The following CHL1 variants were observed in gnomAD, a reference collection of about 807,000 sequenced individuals.
The protein encoded by CHL1 is neural cell adhesion molecule L1-like protein.
In CHL1, 96 loss-of-function variants were observed where a neutral mutation model predicts 141.9. The observed-to-expected ratio is 0.68, with a 90% CI of 0.57 to 0.80. CHL1 has a LOEUF of 0.80. Among genes scored for constraint, CHL1 ranks in the 30% least tolerant of loss-of-function variants. CHL1 has a pLI of 0.00. For missense variants in CHL1, 1,820 were observed against 1,457.2 expected (o/e 1.25, Z -4.05); for synonymous variants, 613 against 502.2 (o/e 1.22, Z -2.95).
chr3:313,586 T>A (rs1039872121), intron 2 of CHL1, among the ~76,000 whole-genome samples: 2 of 152,148 alleles, frequency 1.3e-5, no homozygotes, highest in Middle Eastern at 3.2e-3. Flanking sequence ...TATTAGGAAA[T>A]GATTATTATT....
At chr3:391,887 C>G (rs1708257719) in intron 23 of CHL1, 90 bp downstream of exon 23, 1 of 1,048,104 alleles carries the variant, frequency 9.5e-7, no homozygotes, top group African/African-American at 1.6e-5. Context: ...CTAATGATCA[C>G]TTAAGGCCAT....
In CHL1 at chr3:319,689, G is replaced by C; in HGVS notation, c.-88G>C. On this transcript the variant is annotated 5_prime_UTR_variant, in exon 3 of 28. Transcript: ENST00000256509. ...ATTCTGTTTGTGTTTTTAGTTTCCA[G>C]GTTAACTAAGGTCTCAGCTGTAAAC... The C allele has an allele frequency of 2.7e-6, 2 of 743,080 alleles. No homozygotes were observed. The highest frequency in any genetic ancestry group is 2.5e-5 in the Admixed American group (1 of 39,724). The allele number at this position is 743,080 out of a possible 1,614,324, so 46.0% of individuals were successfully genotyped here.
rs1247101959 is a variant in CHL1, at chr3:319,781, A to G, written c.5A>G (p.Glu2Gly). 1.2e-6 allele frequency: 2 copies of G among 1,603,636 alleles called. No individual in the cohort carries two copies. The highest frequency in any genetic ancestry group is 1.7e-6 in the Non-Finnish European group (2 of 1,172,832). M[E>G]PLLLGRGLIV... ...TTGTCTTCTTCCTGAAGAGCAATGGAGCCGCTTTTACTTGGAAGAGGACTA... is the reference window on the plus strand; with the variant it reads ...TTGTCTTCTTCCTGAAGAGCAATGGGGCCGCTTTTACTTGGAAGAGGACTA... Residue 2 changes from glutamate to glycine, a missense_variant, in exon 3 of 28, where the codon GAG becomes GGG. Physicochemically the swap from Glu to Gly is moderately conservative, Grantham distance 98. Transcript: ENST00000256509.
At chr3:293,009 A>T (rs983611747) in intron 2 of CHL1, among the ~76,000 whole-genome samples, 7 of 152,354 alleles carry the variant, frequency 4.6e-5, no homozygotes, top group Admixed American at 3.3e-4. Context: ...GATTTGTATT[A>T]AGCCAACACA....
chr3:398,379 G>A lies in CHL1; in HGVS notation c.3247G>A (p.Gly1083Arg), dbSNP rs747775822. ...SIFQDVIETRGREYAGLYDDI... is the reference protein window; with the variant it reads ...SIFQDVIETRRREYAGLYDDI... ...TTTTCAAGATGTAATTGAGACAAGA[G>A]GGAGAGGTGAGAAATGAGATTATAT... The change falls in exon 25 of 28, where the codon GGG becomes AGG. Residue 1083 changes from glycine to arginine, a missense_variant. Transcript: ENST00000256509. The A allele has an allele frequency of 1.9e-6, 3 of 1,594,718 alleles. No individual in the cohort carries two copies. The highest frequency in any genetic ancestry group is 2.2e-5 in the East Asian group (1 of 44,690).
intron 2 of CHL1, among the ~76,000 whole-genome samples, chr3:280,576 C>G (rs1034266323): frequency 1.3e-5 from 2 of 152,118 alleles, no homozygotes; most frequent in Non-Finnish European, 2.9e-5. Context: ...TTTACTGTAT[C>G]AAGCAGGCCC....
intron 2 of CHL1, among the ~76,000 whole-genome samples, chr3:260,584 G>A (rs59067336): frequency 0.012 from 1,810 of 152,238 alleles, 32 homozygotes; most frequent in African/African-American, 0.041. Context: ...ATTCACACAG[G>A]CACAGGCACT....
At chr3:314,102 AT>A (rs1699964707) in intron 2 of CHL1, among the ~76,000 whole-genome samples, 1 of 151,616 alleles carries the variant, frequency 6.6e-6, no homozygotes, top group Non-Finnish European at 1.5e-5. Context: ...TTTTATTTTT[AT>A]TTTAGATGTA....
At chr3:230,110 A>G (rs1428745274) in intron 1 of CHL1, among the ~76,000 whole-genome samples, 3 of 152,198 alleles carry the variant, frequency 2.0e-5, no homozygotes, top group Non-Finnish European at 4.4e-5. Flanking sequence ...ACTCTTTAAA[A>G]CACTCTGTTA....
At chr3:313,399 C>A (rs1222429261) in intron 2 of CHL1, among the ~76,000 whole-genome samples, 3 of 152,116 alleles carry the variant, frequency 2.0e-5, no homozygotes, top group African/African-American at 4.8e-5. Flanking sequence ...TTCTATTTCC[C>A]TCTAGGATAA....
chr3:272,350 G>C (rs1053166095), intron 2 of CHL1, among the ~76,000 whole-genome samples: 1 of 152,102 alleles, frequency 6.6e-6, no homozygotes, highest in Non-Finnish European at 1.5e-5. Context: ...TTTTTGCATA[G>C]ATTTTATAGT....
intron 2 of CHL1, among the ~76,000 whole-genome samples, chr3:310,295 G>T (rs1022943155): frequency 2.6e-5 from 4 of 151,994 alleles, no homozygotes; most frequent in Non-Finnish European, 5.9e-5. Context: ...GCTGCATGTG[G>T]TGGCGGATGC....
chr3:359,573 G>T (rs968432577), intron 11 of CHL1, among the ~76,000 whole-genome samples: 2 of 152,128 alleles, frequency 1.3e-5, no homozygotes, highest in African/African-American at 4.8e-5. Context: ...AAAGTGCTGG[G>T]ATTACAGGTA....
chr3:229,651 C>G (rs772825223), intron 1 of CHL1, among the ~76,000 whole-genome samples: 4 of 152,028 alleles, frequency 2.6e-5, no homozygotes, highest in Admixed American at 2.0e-4. Flanking sequence ...TAGTTCAATA[C>G]TCAGCTACTA....
At chr3:388,373 C>A (rs897542538) in intron 19 of CHL1, among the ~76,000 whole-genome samples, 1 of 151,290 alleles carries the variant, frequency 6.6e-6, no homozygotes, top group African/African-American at 2.4e-5. Flanking sequence ...CATGGAGAAA[C>A]CCTGTCTCTA....
At chr3:371,819 A>T (rs1705672072) in intron 15 of CHL1, among the ~76,000 whole-genome samples, 1 of 152,098 alleles carries the variant, frequency 6.6e-6, no homozygotes, top group Non-Finnish European at 1.5e-5. Flanking sequence ...GAAATCTCTC[A>T]GCATTTGCTT....
chr3:317,523 T>C (rs1055662307), intron 2 of CHL1, among the ~76,000 whole-genome samples: 4 of 151,692 alleles, frequency 2.6e-5, no homozygotes, highest in Non-Finnish European at 5.9e-5. Context: ...ATAAAACACA[T>C]ACATGAGATG....
Position 252,220 on chromosome 3 carries a change from T to C in CHL1, c.-95+7528T>C, listed in dbSNP as rs182985150. 3.9e-4 allele frequency among the ~76,000 whole-genome samples: 59 copies of C among 151,398 alleles called. No homozygotes were observed. The East Asian group carries it at 9.3e-3, about 24-fold the overall frequency. On this transcript the variant is annotated intron_variant, in intron 2 of 27. Coordinates refer to ENST00000256509, the MANE Select transcript of CHL1 (RefSeq NM_006614.4). ...CTTATTTAAACATAAAAATATTTAGTTTGATTGGAGCCTCTTCTTGACTCT... is the reference window on the plus strand; with the variant it reads ...CTTATTTAAACATAAAAATATTTAGCTTGATTGGAGCCTCTTCTTGACTCT...
chr3:409,014 A>G lies in CHL1; in HGVS notation c.*3303A>G, dbSNP rs1484396838. 6.6e-6 allele frequency: 1 copy of G among 152,110 alleles called. No individual in the cohort carries two copies. Among genetic ancestry groups the G allele is most frequent in the East Asian group, 1.9e-4 (1 of 5,180 alleles). 9.4% of individuals were successfully genotyped at this position (152,110 alleles called of 1,614,324 possible). ...GTGTGCTTTTCTAAGCATTTAAAAC[A>G]TAATTGCCAATTGAAACCCTAAATA... On this transcript the variant is annotated 3_prime_UTR_variant, in exon 28 of 28. Coordinates refer to ENST00000256509, the MANE Select transcript of CHL1 (RefSeq NM_006614.4).
Sources: allele counts gnomAD v4.1 joint callset (sites outside exome capture counted in the v4.1 genomes callset), GRCh38; gene constraint gnomAD v4.1.1; transcripts MANE v1.5; gene names NCBI Gene and HGNC (gene_info 2026-07-23, HGNC 2026-07-21).